KIAA1549: variants seen among roughly 807,000 people sequenced by gnomAD.
KIAA1549 encodes the protein UPF0606 protein KIAA1549.
A neutral mutation model predicts 156.4 loss-of-function variants in KIAA1549; 70 were observed. The ratio of observed to expected loss-of-function variants is 0.45; its 90% confidence interval spans 0.37 to 0.55. The LOEUF (loss-of-function observed/expected upper bound fraction) is 0.55. KIAA1549 is among the 20% of genes least tolerant of loss of function. The pLI, the probability that KIAA1549 is intolerant of heterozygous loss-of-function variation, is 0.00. For synonymous variants in KIAA1549, 1,103 were observed against 1,066.4 expected (o/e 1.03, Z -0.67); for missense variants, 2,428 against 2,540.9 (o/e 0.96, Z 0.96).
At chr7:138,850,260 G>A (rs969115938) in intron 17 of KIAA1549, among the ~76,000 whole-genome samples, 1 of 152,076 alleles carries the variant, frequency 6.6e-6, no homozygotes, top group African/African-American at 2.4e-5. Flanking sequence ...CTGTTTTTAT[G>A]TCTTTGAGGA....
chr7:138,938,202 C>T (rs777949350), intron 1 of KIAA1549, among the ~76,000 whole-genome samples: 1 of 152,150 alleles, frequency 6.6e-6, no homozygotes, highest in Non-Finnish European at 1.5e-5. Flanking sequence ...CACCAGAAAC[C>T]GAGCCTGCTA....
At chr7:138,896,960 G>A (rs956834650) in intron 9 of KIAA1549, among the ~76,000 whole-genome samples, 3 of 152,102 alleles carry the variant, frequency 2.0e-5, no homozygotes, top group Non-Finnish European at 2.9e-5. Context: ...ACTGGACCCT[G>A]ACACCAGTGT....
chr7:138,954,471 T>C (rs532862023), intron 1 of KIAA1549, among the ~76,000 whole-genome samples: 1 of 152,284 alleles, frequency 6.6e-6, no homozygotes, highest in East Asian at 1.9e-4. Context: ...TCTAACAAGC[T>C]GGCATCCTTA....
intron 1 of KIAA1549, among the ~76,000 whole-genome samples, chr7:138,932,224 C>T (rs1417499041): frequency 6.6e-6 from 1 of 152,152 alleles, no homozygotes; most frequent in Non-Finnish European, 1.5e-5. Flanking sequence ...CGTGTAAGTT[C>T]TTTATTTTGT....
chr7:138,910,994 T>C (rs1329423766), intron 4 of KIAA1549, among the ~76,000 whole-genome samples, 152 bp downstream of exon 4: 2 of 152,156 alleles, frequency 1.3e-5, no homozygotes, highest in East Asian at 1.9e-4. Flanking sequence ...ATCACACCAC[T>C]GCATTCCAGC....
chr7:138,936,156 A>G, intron 1 of KIAA1549, among the ~76,000 whole-genome samples: 1 of 152,234 alleles, frequency 6.6e-6, no homozygotes. Flanking sequence ...AAGAAGTTCC[A>G]TGTCAGAGAG....
chr7:138,950,799 GA>G (rs1174390779), intron 1 of KIAA1549, among the ~76,000 whole-genome samples: 1 of 152,104 alleles, frequency 6.6e-6, no homozygotes, highest in Non-Finnish European at 1.5e-5. Flanking sequence ...CCCGGGGGCT[GA>G]AACCTTTCAT....
chr7:138,968,506 T>G (rs951926237), intron 1 of KIAA1549, among the ~76,000 whole-genome samples: 6 of 152,172 alleles, frequency 3.9e-5, no homozygotes, highest in African/African-American at 9.7e-5. Context: ...CAACAGAGCT[T>G]TATTTTTCAA....
chr7:138,920,162 A>C, intron 1 of KIAA1549, among the ~76,000 whole-genome samples: 2 of 145,878 alleles, frequency 1.4e-5, no homozygotes, highest in African/African-American at 2.6e-5. Context: ...CCCCGCCTGG[A>C]ATGCCCTTCC....
In KIAA1549 at chr7:138,917,162, C is replaced by T. The variant is rs752478743; in HGVS notation, c.2464G>A (p.Val822Met). Residue 822 changes from valine (V) to methionine (M), a missense_variant, in exon 2 of 20, where the codon GTG (valine) becomes ATG (methionine). Around this residue, in one of 5 missense-constraint regions of KIAA1549, gnomAD observed 762 missense variants for 901.6 expected, o/e 0.85. Coordinates refer to ENST00000422774, the MANE Select transcript of KIAA1549 (RefSeq NM_001164665.2). The stretch of plus-strand genomic sequence containing the variant: ...TTGGAGAAAGAGGCCAGGACAGACA[C>T]GTGACCGTCTAGAGCACTGATTTGG... ...DDQISALDGHVSVLASFSKAI... is the reference protein window; with the variant it reads ...DDQISALDGHMSVLASFSKAI... 3.7e-6 allele frequency: 6 copies of T among 1,613,682 alleles called. No individual in the cohort carries two copies. Among genetic ancestry groups the T allele is most frequent in the Admixed American group, 1.7e-5 (1 of 59,996 alleles).
In KIAA1549 at chr7:138,919,186, C is replaced by T. The variant is rs1053608567; in HGVS notation, c.440G>A (p.Ser147Asn). Residue 147 changes from serine (S) to asparagine (N), a missense_variant, in exon 2 of 20, where the codon AGT becomes AAT. Physicochemically the swap from Ser to Asn is conservative, Grantham distance 46. Transcript: ENST00000422774. Reference sequence around the variant, plus strand: ...ATCGTCATTGACGGCCACCTCTTTACTCGTCACTGACACGTAAGTTGCCAC... The same window carrying T: ...ATCGTCATTGACGGCCACCTCTTTATTCGTCACTGACACGTAAGTTGCCAC... ...IFVATYVSVT[S>N]KEVAVNDDEM... The T allele has an allele frequency of 1.2e-6, 2 of 1,614,020 alleles. No homozygotes were observed. Among genetic ancestry groups the T allele is most frequent in the Admixed American group, 1.7e-5 (1 of 60,026 alleles).
At chr7:138,870,869 G>C (rs553798603) in intron 13 of KIAA1549, among the ~76,000 whole-genome samples, 14 of 152,320 alleles carry the variant, frequency 9.2e-5, no homozygotes, top group African/African-American at 3.1e-4. Flanking sequence ...CCAGGCTGGA[G>C]TGCAGTGGCG....
intron 10 of KIAA1549, among the ~76,000 whole-genome samples, chr7:138,891,955 G>A (rs1242485529): frequency 6.6e-6 from 1 of 152,134 alleles, no homozygotes; most frequent in African/African-American, 2.4e-5. Flanking sequence ...TTAAACACAC[G>A]ACAAAATCTA....
At chr7:138,838,514 T>G (rs11977733) in intron 19 of KIAA1549, among the ~76,000 whole-genome samples, 7,352 of 152,210 alleles carry the variant, frequency 0.048, 489 homozygotes, top group African/African-American at 0.15. Context: ...CTGTCTCCTG[T>G]CTCTGCGTGA....
At chr7:138,931,228 A>G (rs1017505191) in intron 1 of KIAA1549, among the ~76,000 whole-genome samples, 2 of 152,232 alleles carry the variant, frequency 1.3e-5, no homozygotes, top group African/African-American at 4.8e-5. Flanking sequence ...TGAAAACATC[A>G]GAAATGTGAG....
In KIAA1549 at chr7:138,918,870, A is replaced by G; in HGVS notation, c.756T>C (p.Leu252=). 1 of 1,614,040 alleles carries G rather than the reference A, an allele frequency of 6.2e-7. No individual in the cohort carries two copies. Among genetic ancestry groups the G allele is most frequent in the African/African-American group, 1.3e-5 (1 of 75,064 alleles). ...IVPTPGRNLV[L]YPTDAYSHLS... Reference sequence around the variant, plus strand: ...AATGACTGTAAGCATCAGTAGGATAAAGCACCAAATTCCTGCCAGGAGTTG... The same window carrying G: ...AATGACTGTAAGCATCAGTAGGATAGAGCACCAAATTCCTGCCAGGAGTTG... Residue 252 remains leucine, a synonymous_variant, in exon 2 of 20, where the codon CTT becomes CTC. Transcript: ENST00000422774. The surrounding 1 kb of genome is among the most constrained non-coding windows in gnomAD (Gnocchi z 4.2).
chr7:138,923,337 A>G (rs1261063801), intron 1 of KIAA1549, among the ~76,000 whole-genome samples: 2 of 152,246 alleles, frequency 1.3e-5, no homozygotes, highest in Non-Finnish European at 2.9e-5. Context: ...GTGGTGGCTC[A>G]CGCCTGTAAT....
Position 138,894,397 on chromosome 7 carries a change from G to A in KIAA1549, c.3977C>T (p.Thr1326Ile), listed in dbSNP as rs1811626473. 6.2e-7 allele frequency: 1 copy of A among 1,614,034 alleles called. No homozygotes were observed. The highest frequency in any genetic ancestry group is 8.5e-7 in the Non-Finnish European group (1 of 1,179,902). ...VVILYWKLCR[T>I]DKLDFQPDTV... ...GTCAGGCTGAAAGTCTAGCTTGTCT[G>A]TGCGGCATAGTTTCCAGTAGAGGAT... Residue 1326 changes from threonine (T) to isoleucine (I), a missense_variant, in exon 10 of 20, where the codon ACA becomes ATA. Around this residue, in one of 5 missense-constraint regions of KIAA1549, gnomAD observed 762 missense variants for 901.6 expected, o/e 0.85. Transcript: ENST00000422774.
At chr7:138,938,849 A>C (rs1584770998) in intron 1 of KIAA1549, among the ~76,000 whole-genome samples, 1 of 152,076 alleles carries the variant, frequency 6.6e-6, no homozygotes. Flanking sequence ...AGAGTACAAG[A>C]CCAGTCTAGC....
Sources: allele counts gnomAD v4.1 joint callset (sites outside exome capture counted in the v4.1 genomes callset), GRCh38; gene constraint gnomAD v4.1.1; regional missense constraint gnomAD v4.1.1; non-coding constraint Gnocchi (gnomAD v3.1); transcripts MANE v1.5; gene names NCBI Gene and HGNC (gene_info 2026-07-23, HGNC 2026-07-21).